PTPA: variants seen among roughly 807,000 people sequenced by gnomAD.
The protein encoded by PTPA is serine/threonine-protein phosphatase 2A activator.
A neutral mutation model predicts 43.6 loss-of-function variants in PTPA; 13 were observed. That is an observed-to-expected ratio of 0.30 (90% CI 0.19 to 0.47). PTPA has a LOEUF of 0.47. Ranked by LOEUF, PTPA falls within the 20% of genes least tolerant of loss-of-function variation. The probability of loss-of-function intolerance (pLI) is 0.99; values close to 1 mark genes in which losing one functional copy is unlikely to be tolerated. For synonymous variants in PTPA, 172 were observed against 158.2 expected (o/e 1.09, Z -0.66); for missense variants, 329 against 411.9 (o/e 0.80, Z 1.74).
chr9:129,113,280 C>T (rs1848662140), intron 1 of PTPA, among the ~76,000 whole-genome samples: 1 of 151,674 alleles, frequency 6.6e-6, no homozygotes, highest in Admixed American at 6.6e-5. Context: ...TTAATAGGGA[C>T]AGGGTTTCAC....
chr9:129,112,708 G>T (rs1342477548), intron 1 of PTPA, among the ~76,000 whole-genome samples: 11 of 152,172 alleles, frequency 7.2e-5, no homozygotes, highest in Non-Finnish European at 1.3e-4. Context: ...TTGGGAGGCC[G>T]AGGCGGGCTG....
chr9:129,128,095 G>A (rs1227717882), intron 3 of PTPA: 2 of 1,297,434 alleles, frequency 1.5e-6, no homozygotes, highest in Admixed American at 4.6e-5. Flanking sequence ...CCATTTTTTA[G>A]ACGAAGAAAC....
intron 1 of PTPA, among the ~76,000 whole-genome samples, chr9:129,117,444 C>T (rs1848950098): frequency 6.6e-6 from 1 of 152,030 alleles, no homozygotes; most frequent in Non-Finnish European, 1.5e-5. Context: ...TGCTGTGTTG[C>T]CCAGGCTGGA....
In PTPA at chr9:129,137,578, A is replaced by G. The variant is rs1182083227; in HGVS notation, c.686-14A>G. On this transcript the variant is annotated splice_polypyrimidine_tract_variant and intron_variant, in intron 7 of 9. Transcript: ENST00000393370. ...GGCCTGGTTCTGAATGCTGGGGCCC[A>G]TTCCTTTTCCCAGACCACCCATACC... 1 of 1,600,110 alleles carries G rather than the reference A, an allele frequency of 6.2e-7. No homozygotes were observed. Among genetic ancestry groups the G allele is most frequent in the Non-Finnish European group, 8.5e-7 (1 of 1,171,178 alleles).
At chr9:129,118,664 C>T (rs889523461) in intron 1 of PTPA, among the ~76,000 whole-genome samples, 6 of 151,908 alleles carry the variant, frequency 3.9e-5, no homozygotes, top group East Asian at 1.9e-4. Flanking sequence ...CATGAGCCAC[C>T]GCGCCCCGCC....
intron 1 of PTPA, 87 bp downstream of exon 1, chr9:129,111,718 G>T: frequency 1.6e-6 from 2 of 1,242,188 alleles, no homozygotes; most frequent in Non-Finnish European, 2.0e-6. Context: ...CGAGAGTCAT[G>T]ACACGGAGGA....
At chr9:129,139,009 C>T (rs1448097795) in intron 8 of PTPA, among the ~76,000 whole-genome samples, 1 of 152,126 alleles carries the variant, frequency 6.6e-6, no homozygotes, top group Non-Finnish European at 1.5e-5. Context: ...GTCTGCGGAG[C>T]CCTGGGGGAC....
In PTPA at chr9:129,116,027, AT is replaced by A. The variant is rs1212433393; in HGVS notation, c.31+4408del. On this transcript the variant is annotated intron_variant, in intron 1 of 9. Transcript: ENST00000393370. The stretch of plus-strand genomic sequence containing the variant: ...AGGTGTGCGCTACCATGCCCGGCTA[AT>A]TTTTTTTTTTTGAGACGAGTCTCGC... 1.7e-3 allele frequency among the ~76,000 whole-genome samples: 240 copies of A among 144,530 alleles called. No individual in the cohort carries two copies. In the South Asian group the frequency reaches 0.021, roughly 13 times the overall value. The allele number at this position is 144,530 out of a possible 152,430, so 94.8% of individuals were successfully genotyped here.
chr9:129,119,862 G>A (rs1178348889), intron 1 of PTPA: 3 of 152,318 alleles, frequency 2.0e-5, no homozygotes, highest in African/African-American at 7.2e-5. Context: ...CCCAGAGTGA[G>A]GGAGGGCAGG....
chr9:129,129,711 C>T (rs752076172), intron 4 of PTPA, among the ~76,000 whole-genome samples: 16 of 152,126 alleles, frequency 1.1e-4, no homozygotes, highest in Non-Finnish European at 2.2e-4. Context: ...CCTTGTGATC[C>T]GCCCATCTCG....
intron 9 of PTPA, among the ~76,000 whole-genome samples, chr9:129,145,168 T>TAAAAATACAAAAATTAGCCTGGCACC (rs1336540905): frequency 1.3e-5 from 2 of 152,074 alleles, no homozygotes; most frequent in African/African-American, 4.8e-5. Flanking sequence ...CTGTGTCTAC[T>TAAAAATACAAAAATTAGCCTGGCACC]AAAAATACAA....
At chr9:129,136,169 G>A (rs545799935) in intron 6 of PTPA, among the ~76,000 whole-genome samples, 16 of 152,144 alleles carry the variant, frequency 1.1e-4, no homozygotes, top group African/African-American at 2.9e-4. Flanking sequence ...GGGTTTCACC[G>A]TGTTGGCCAG....
intron 9 of PTPA, chr9:129,142,943 T>C (rs1475099357): frequency 3.5e-6 from 5 of 1,428,412 alleles, no homozygotes; most frequent in South Asian, 1.5e-5. Context: ...TCTTACCCTT[T>C]GGAGGCATCT....
intron 8 of PTPA, among the ~76,000 whole-genome samples, chr9:129,138,503 TCTC>T (rs1850534151): frequency 6.6e-6 from 1 of 152,102 alleles, no homozygotes; most frequent in Admixed American, 6.5e-5. Flanking sequence ...TGTTAGGACT[TCTC>T]ATCCTCTCTG....
intron 5 of PTPA, among the ~76,000 whole-genome samples, chr9:129,134,176 C>T (rs1289316870): frequency 1.3e-5 from 2 of 151,982 alleles, no homozygotes; most frequent in African/African-American, 2.4e-5. Flanking sequence ...TGGACAGTGA[C>T]TGCTTACATA....
At chr9:129,115,640 G>T (rs938284990) in intron 1 of PTPA, among the ~76,000 whole-genome samples, 2 of 38,518 alleles carry the variant, frequency 5.2e-5, no homozygotes, top group Admixed American at 8.7e-4. Context: ...GGGAGAGTTT[G>T]CATTTTTTTT....
intron 1 of PTPA, among the ~76,000 whole-genome samples, chr9:129,120,245 G>C (rs950995885): frequency 1.4e-5 from 2 of 144,032 alleles, no homozygotes; most frequent in African/African-American, 5.0e-5. Flanking sequence ...GCGACAGAGC[G>C]AGACTCTGTC....
intron 8 of PTPA, 28 bp from the exon 9 acceptor site, chr9:129,142,417 T>C: frequency 1.9e-6 from 3 of 1,544,348 alleles, no homozygotes; most frequent in Middle Eastern, 1.7e-4. Context: ...AGAACCTGTC[T>C]CTTCAGCTTG....
At position 129,129,077 on chromosome 9, in the gene PTPA, G is replaced by A. The variant is rs750065516; in HGVS notation, c.309G>A (p.Lys103=). ...ACCAGCCCTCTCGGTTTGGGAATAAGGCATACAGGACCTGGTATGCCAAAC... is the reference window on the plus strand; with the variant it reads ...ACCAGCCCTCTCGGTTTGGGAATAAAGCATACAGGACCTGGTATGCCAAAC... ...PVDQPSRFGN[K]AYRTWYAKLD... is the part of the protein sequence containing the mutation. The change falls in exon 4 of 10, where the codon AAG becomes AAA. Residue 103 remains lysine (K), a synonymous_variant. Coordinates refer to ENST00000393370, the MANE Select transcript of PTPA (RefSeq NM_178000.3). 3 of 1,612,564 alleles carry A rather than the reference G, an allele frequency of 1.9e-6. No homozygotes were observed. In the East Asian group the frequency reaches 6.7e-5, roughly 36 times the overall value.
Sources: allele counts gnomAD v4.1 joint callset (sites outside exome capture counted in the v4.1 genomes callset), GRCh38; gene constraint gnomAD v4.1.1; transcripts MANE v1.5; gene names NCBI Gene and HGNC (gene_info 2026-07-23, HGNC 2026-07-21).